PDE1A: variants seen among roughly 807,000 people sequenced by gnomAD.
PDE1A encodes the protein phosphodiesterase 1A.
Under a neutral mutation model 61.7 loss-of-function variants are expected in PDE1A, and 35 were observed. The observed-to-expected ratio is 0.57, with a 90% confidence interval of 0.43 to 0.75. The LOEUF is 0.75. Among genes scored for constraint, PDE1A ranks in the 30% least tolerant of loss-of-function variants. The pLI, the probability that PDE1A is intolerant of heterozygous loss-of-function variation, is 0.00. For missense variants in PDE1A, 597 were observed against 630.6 expected (o/e 0.95, Z 0.57); for synonymous variants, 232 against 213.2 (o/e 1.09, Z -0.77).
intron 13 of PDE1A, among the ~76,000 whole-genome samples, chr2:182,151,997 GC>G (rs1690805086): frequency 6.6e-6 from 1 of 152,122 alleles, no homozygotes; most frequent in African/African-American, 2.4e-5. Context: ...TCAGAGCAAT[GC>G]CCCAGTTAAT....
intron 13 of PDE1A, among the ~76,000 whole-genome samples, chr2:182,175,177 C>T (rs1007733922): frequency 6.6e-6 from 1 of 152,134 alleles, no homozygotes; most frequent in South Asian, 2.1e-4. Context: ...CAAGTCTTTG[C>T]TATTGTGAAC....
At chr2:182,457,615 A>T (rs542666338) in intron 2 of PDE1A, among the ~76,000 whole-genome samples, 3 of 152,182 alleles carry the variant, frequency 2.0e-5, no homozygotes, top group Admixed American at 1.3e-4. Flanking sequence ...TTTGGTAGTG[A>T]TGATTAGAAT....
chr2:182,176,611 T>A (rs1204760477), intron 13 of PDE1A, among the ~76,000 whole-genome samples: 10 of 148,696 alleles, frequency 6.7e-5, no homozygotes, highest in African/African-American at 1.5e-4. Flanking sequence ...TTTCTAGATA[T>A]ACAATCATGT....
intron 2 of PDE1A, among the ~76,000 whole-genome samples, chr2:182,476,569 T>G (rs759771997): frequency 2.0e-4 from 30 of 151,994 alleles, no homozygotes; most frequent in Non-Finnish European, 3.2e-4. Context: ...TTTTGATTAA[T>G]AGACAGTACA....
At chr2:182,625,026 A>G in the PDE1A span, among the ~76,000 whole-genome samples, 1 of 152,086 alleles carries the variant, frequency 6.6e-6, no homozygotes, top group Non-Finnish European at 1.5e-5. Context: ...AGGTGATTAG[A>G]TAGATTTAGA....
chr2:182,709,417 A>G, the PDE1A span, among the ~76,000 whole-genome samples: 1 of 152,212 alleles, frequency 6.6e-6, no homozygotes, highest in Non-Finnish European at 1.5e-5. Flanking sequence ...TAATGCATGT[A>G]TTGAATACAT....
intron 1 of PDE1A, among the ~76,000 whole-genome samples, chr2:182,398,868 G>A (rs1266680235): frequency 6.6e-6 from 1 of 151,802 alleles, no homozygotes; most frequent in Non-Finnish European, 1.5e-5. Flanking sequence ...CAGAATACAT[G>A]TGGAGAATGT....
At chr2:182,290,976 G>C (rs978666980) in intron 1 of PDE1A, among the ~76,000 whole-genome samples, 1 of 152,150 alleles carries the variant, frequency 6.6e-6, no homozygotes, top group African/African-American at 2.4e-5. Context: ...TGGTTTTCAT[G>C]TGTTCTGACT....
chr2:182,504,434 C>A (rs1162223495), intron 2 of PDE1A, among the ~76,000 whole-genome samples: 1 of 152,038 alleles, frequency 6.6e-6, no homozygotes, highest in African/African-American at 2.4e-5. Context: ...AACAAGAAAT[C>A]ATTTTTAGTA....
chr2:182,564,042 TA>T, the PDE1A span, among the ~76,000 whole-genome samples: 38 of 152,356 alleles, frequency 2.5e-4, no homozygotes, highest in African/African-American at 8.7e-4. Flanking sequence ...TTGGAGCATT[TA>T]GTCCATTTAC....
At chr2:182,410,912 C>T (rs1574588659) in intron 1 of PDE1A, among the ~76,000 whole-genome samples, 1 of 152,202 alleles carries the variant, frequency 6.6e-6, no homozygotes, top group African/African-American at 2.4e-5. Flanking sequence ...CAGGTTTTCC[C>T]TGGAGCTTCA....
the PDE1A span, among the ~76,000 whole-genome samples, chr2:182,609,563 G>T: frequency 5.3e-5 from 8 of 152,254 alleles, no homozygotes; most frequent in African/African-American, 1.7e-4. Flanking sequence ...AACTCCAGAC[G>T]TGCCGTCTTA....
chr2:182,598,441 G>A, the PDE1A span, among the ~76,000 whole-genome samples: 5 of 151,816 alleles, frequency 3.3e-5, no homozygotes, highest in African/African-American at 7.3e-5. Context: ...GCATGGTGGC[G>A]GGCACCTGTA....
intron 1 of PDE1A, among the ~76,000 whole-genome samples, chr2:182,386,732 C>A (rs533893379): frequency 5.9e-5 from 9 of 152,222 alleles, no homozygotes; most frequent in Non-Finnish European, 1.2e-4. Flanking sequence ...CGCCCGGCAG[C>A]CACCTCGTCC....
the PDE1A span, among the ~76,000 whole-genome samples, chr2:182,568,037 GA>G: frequency 6.6e-6 from 1 of 151,940 alleles, no homozygotes; most frequent in Non-Finnish European, 1.5e-5. Context: ...TTGACCTCAT[GA>G]TTCACCTGCC....
At chr2:182,211,532 C>T (rs1204391442) in intron 7 of PDE1A, among the ~76,000 whole-genome samples, 1 of 152,148 alleles carries the variant, frequency 6.6e-6, no homozygotes, top group Non-Finnish European at 1.5e-5. Flanking sequence ...ACTTTAGAAT[C>T]ACTTTGTCAG....
At chr2:182,552,779 C>A in the PDE1A span, among the ~76,000 whole-genome samples, 2 of 152,158 alleles carry the variant, frequency 1.3e-5, no homozygotes, top group African/African-American at 2.4e-5. Context: ...CAATGGCTAC[C>A]CCCTTTGGAC....
At chr2:182,290,317 CAAAAT>C (rs151066244) in intron 1 of PDE1A, among the ~76,000 whole-genome samples, 3 of 151,836 alleles carry the variant, frequency 2.0e-5, no homozygotes, top group South Asian at 2.1e-4. Context: ...CATCTTTTTT[CAAAAT>C]AAAATAAAAT....
intron 1 of PDE1A, among the ~76,000 whole-genome samples, chr2:182,288,494 A>G (rs1332327383): frequency 2.6e-5 from 4 of 152,118 alleles, no homozygotes; most frequent in African/African-American, 9.7e-5. Flanking sequence ...ATAATCATCC[A>G]GTTCTCCTGG....
Sources: allele counts gnomAD v4.1 joint callset (sites outside exome capture counted in the v4.1 genomes callset), GRCh38; gene constraint gnomAD v4.1.1; transcripts MANE v1.5; gene names NCBI Gene and HGNC (gene_info 2026-07-23, HGNC 2026-07-21).